LINGO2: variants seen among roughly 807,000 people sequenced by gnomAD.
LINGO2 encodes leucine-rich repeat and immunoglobulin-like domain-containing nogo receptor-interacting protein 2.
Under a neutral mutation model 30.6 loss-of-function variants are expected in LINGO2, and 14 were observed. The observed-to-expected ratio is 0.46, with a 90% CI of 0.30 to 0.72. LINGO2 has a LOEUF of 0.72. LINGO2 is among the 30% of genes least tolerant of loss of function. LINGO2 has a pLI of 0.07. For synonymous variants in LINGO2, 317 were observed against 288.5 expected (o/e 1.10, Z -1.00); for missense variants, 729 against 751.7 (o/e 0.97, Z 0.35).
chr9:28,733,454 A>G, the LINGO2 span, among the ~76,000 whole-genome samples: 1 of 152,232 alleles, frequency 6.6e-6, no homozygotes, highest in African/African-American at 2.4e-5. Flanking sequence ...CATTAAGTGA[A>G]CTTATGGACA....
the LINGO2 span, among the ~76,000 whole-genome samples, chr9:29,195,901 T>C: frequency 2.0e-5 from 3 of 152,130 alleles, no homozygotes; most frequent in Admixed American, 1.3e-4. Flanking sequence ...ACTAATGCCC[T>C]AAGACATCAG....
At chr9:28,806,403 T>C in the LINGO2 span, among the ~76,000 whole-genome samples, 1 of 152,168 alleles carries the variant, frequency 6.6e-6, no homozygotes, top group African/African-American at 2.4e-5. Context: ...CCTAATATTA[T>C]ATTAATAACT....
the LINGO2 span, among the ~76,000 whole-genome samples, chr9:29,080,832 T>C: frequency 6.6e-5 from 10 of 152,110 alleles, no homozygotes; most frequent in Non-Finnish European, 1.3e-4. Context: ...TTTCTGTTCT[T>C]TTACATTTGC....
intron 1 of LINGO2, among the ~76,000 whole-genome samples, chr9:28,609,486 A>G (rs770401963): frequency 3.4e-4 from 52 of 152,166 alleles, no homozygotes; most frequent in Non-Finnish European, 6.6e-4. Context: ...GCAAAAATAC[A>G]AATAACCAAT....
At chr9:28,989,774 T>G in the LINGO2 span, among the ~76,000 whole-genome samples, 1 of 152,202 alleles carries the variant, frequency 6.6e-6, no homozygotes, top group Non-Finnish European at 1.5e-5. Flanking sequence ...AGTTATGTGG[T>G]GCCATGAGAT....
At chr9:27,996,357 A>T (rs997128389) in intron 5 of LINGO2, among the ~76,000 whole-genome samples, 4 of 152,224 alleles carry the variant, frequency 2.6e-5, no homozygotes, top group African/African-American at 9.6e-5. Context: ...CACTATTCAT[A>T]TAATAGCCAA....
intron 1 of LINGO2, among the ~76,000 whole-genome samples, chr9:28,528,156 A>T (rs974323271): frequency 6.6e-6 from 1 of 152,204 alleles, no homozygotes; most frequent in African/African-American, 2.4e-5. Flanking sequence ...TCAGGATAAG[A>T]TGCTGATGCT....
chr9:28,577,881 C>A (rs1824068169), intron 1 of LINGO2, among the ~76,000 whole-genome samples: 1 of 152,162 alleles, frequency 6.6e-6, no homozygotes, highest in Non-Finnish European at 1.5e-5. Context: ...AGCAGATTTT[C>A]ACCCAGCAGC....
At chr9:28,763,571 A>G in the LINGO2 span, among the ~76,000 whole-genome samples, 1 of 151,984 alleles carries the variant, frequency 6.6e-6, no homozygotes, top group Non-Finnish European at 1.5e-5. Flanking sequence ...AAATGCCTAC[A>G]TTAAAAAAGA....
chr9:28,107,062 T>G (rs1160357038), intron 4 of LINGO2, among the ~76,000 whole-genome samples: 3 of 152,166 alleles, frequency 2.0e-5, no homozygotes, highest in Non-Finnish European at 2.9e-5. Flanking sequence ...CTTGGCTTCT[T>G]TGTTTTTCGG....
At chr9:29,028,587 C>T in the LINGO2 span, among the ~76,000 whole-genome samples, 1 of 152,070 alleles carries the variant, frequency 6.6e-6, no homozygotes, top group Non-Finnish European at 1.5e-5. Flanking sequence ...TCTAGGCTAC[C>T]CTTGTTACTT....
intron 1 of LINGO2, among the ~76,000 whole-genome samples, chr9:28,590,258 G>A (rs1168949533): frequency 1.3e-5 from 2 of 152,096 alleles, no homozygotes; most frequent in African/African-American, 4.8e-5. Flanking sequence ...AGGACTTCAT[G>A]TCTAAAACAC....
intron 2 of LINGO2, among the ~76,000 whole-genome samples, chr9:28,462,542 G>A (rs1825125993): frequency 6.6e-6 from 1 of 151,292 alleles, no homozygotes. Context: ...AAATGGAGTT[G>A]TAAATTTCTG....
the LINGO2 span, among the ~76,000 whole-genome samples, chr9:29,059,752 T>C: frequency 6.6e-6 from 1 of 152,050 alleles, no homozygotes; most frequent in East Asian, 1.9e-4. Flanking sequence ...CAACTTAACA[T>C]TATAATATCT....
intron 1 of LINGO2, among the ~76,000 whole-genome samples, chr9:28,604,166 G>A (rs557948870): frequency 6.6e-6 from 1 of 151,850 alleles, no homozygotes; most frequent in Non-Finnish European, 1.5e-5. Flanking sequence ...GTGGTGATAC[G>A]CAAACTCACT....
the LINGO2 span, among the ~76,000 whole-genome samples, chr9:29,031,383 A>G: frequency 6.6e-6 from 1 of 151,986 alleles, no homozygotes; most frequent in African/African-American, 2.4e-5. Context: ...CCAGGGTTCA[A>G]GCGATTCTTC....
intron 1 of LINGO2, among the ~76,000 whole-genome samples, chr9:28,526,909 T>C (rs1212779074): frequency 2.0e-5 from 3 of 152,222 alleles, no homozygotes; most frequent in African/African-American, 7.2e-5. Flanking sequence ...AGGGAATGTT[T>C]ACCTACTGGG....
At chr9:28,167,176 G>C (rs910638559) in intron 4 of LINGO2, among the ~76,000 whole-genome samples, 1 of 123,988 alleles carries the variant, frequency 8.1e-6, no homozygotes, top group African/African-American at 3.2e-5. Context: ...CAGCTTTCTT[G>C]TCCTGCAAAT....
the LINGO2 span, among the ~76,000 whole-genome samples, chr9:29,199,560 G>A: frequency 6.6e-6 from 1 of 152,026 alleles, no homozygotes; most frequent in South Asian, 2.1e-4. Context: ...AAGCATAGAG[G>A]CGAACTGGGA....
Sources: allele counts gnomAD v4.1 joint callset (sites outside exome capture counted in the v4.1 genomes callset), GRCh38; gene constraint gnomAD v4.1.1; transcripts MANE v1.5; gene names NCBI Gene and HGNC (gene_info 2026-07-23, HGNC 2026-07-21).